Variants in NUTM2E observed in about 807,000 individuals in gnomAD.
The protein encoded by NUTM2E is NUT family member 2E, also known as family with sequence similarity 22, member E.
In NUTM2E, 3 loss-of-function variants were observed where a neutral mutation model predicts 26.1. The ratio of observed to expected loss-of-function variants is 0.12; its 90% CI spans 0.05 to 0.30. NUTM2E has a LOEUF of 0.30. NUTM2E is among the 10% of genes least tolerant of loss of function. The pLI is 1.00. For missense variants in NUTM2E, 62 were observed against 381.3 expected, an observed-to-expected ratio of 0.16 and a Z score of 6.97; for synonymous variants, 13 against 157.5, an observed-to-expected ratio of 0.08 and a Z score of 6.87.
In NUTM2E at chr10:79,840,743, T is replaced by A. The variant is rs1029732880; in HGVS notation, c.-998T>A. 6.8e-6 allele frequency among the ~76,000 whole-genome samples: 1 copy of A among 147,390 alleles called. No individual in the cohort carries two copies. The highest frequency in any genetic ancestry group is 1.5e-5 in the Non-Finnish European group (1 of 66,630). On this transcript the variant is annotated 5_prime_UTR_variant, in exon 4 of 10. The change abolishes an upstream ATG in the 5' untranslated region. Transcript: ENST00000429984. ...TGCCGACAGGGTGTGTTTCAGTGAA[T>A]GTTTGCAGTGTGCACCGGTCTGGCT... is the stretch of plus-strand genomic sequence containing the variant.
rs1037255682 is a variant in NUTM2E, at chr10:79,831,034, A to G, written c.-2728+3677A>G. 5.5e-4 allele frequency among the ~76,000 whole-genome samples: 83 copies of G among 151,922 alleles called. 1 individual carries two copies. The highest frequency in any genetic ancestry group is 2.0e-3 in the African/African-American group (82 of 41,486). ...GACAGCCATAGATCTCTTTTGACCTAGAGTTTTTTATTCTCTTTGTTTTTC... is the reference window on the plus strand; with the variant it reads ...GACAGCCATAGATCTCTTTTGACCTGGAGTTTTTTATTCTCTTTGTTTTTC... On this transcript the variant is annotated intron_variant, in intron 1 of 9. Coordinates refer to ENST00000429984, the MANE Select transcript of NUTM2E (RefSeq NM_001355263.2).
chr10:79,848,986 G>A, intron 8 of NUTM2E, 91 bp downstream of exon 8: 1 of 637,690 alleles, frequency 1.6e-6, no homozygotes. Flanking sequence ...TAGCTACTCA[G>A]CAGTGTGTGT....
chr10:79,836,370 T>C (rs1189904948), intron 1 of NUTM2E, among the ~76,000 whole-genome samples: 1 of 151,948 alleles, frequency 6.6e-6, no homozygotes, highest in Non-Finnish European at 1.5e-5. Context: ...ATACTATTTC[T>C]GAGGGACAAT....
chr10:79,828,094 C>T (rs532495038), intron 1 of NUTM2E, among the ~76,000 whole-genome samples: 5 of 151,500 alleles, frequency 3.3e-5, no homozygotes, highest in Non-Finnish European at 7.4e-5. Context: ...CGTGCCCGGC[C>T]GACAGGTGTT....
In NUTM2E at chr10:79,828,174, G is replaced by A. The variant is rs188310228; in HGVS notation, c.-2728+817G>A. ...TTTAAGGATGTAAGCATAATTTAAG[G>A]ATATTGAAAATGATATAGGAATAAA... On this transcript the variant is annotated intron_variant, in intron 1 of 9. Coordinates refer to ENST00000429984, the MANE Select transcript of NUTM2E (RefSeq NM_001355263.2). Among the ~76,000 whole-genome samples the A allele has an allele frequency of 1.4e-4, 22 of 151,736 alleles. No homozygotes were observed. The East Asian group carries it at 4.1e-3, about 28-fold the overall frequency.
chr10:79,836,751 C>T (rs1188895520), intron 1 of NUTM2E, among the ~76,000 whole-genome samples: 1 of 151,836 alleles, frequency 6.6e-6, no homozygotes, highest in Non-Finnish European at 1.5e-5. Context: ...CTTGAAACTG[C>T]CTGTACAATT....
In NUTM2E at chr10:79,832,361, A is replaced by T. The variant is rs543980864; in HGVS notation, c.-2728+5004A>T. ...CGTGGGGAAGAAGTTTGTGAGTAGA[A>T]GCAGCGGATTGAGAATCTGGATAAT... On this transcript the variant is annotated intron_variant, in intron 1 of 9. Transcript: ENST00000429984. Among the ~76,000 whole-genome samples, 104 of 151,850 alleles carry T rather than the reference A, an allele frequency of 6.8e-4. 1 individual carries two copies. Among genetic ancestry groups the T allele is most frequent in the African/African-American group, 2.5e-3 (103 of 41,480 alleles).
rs1275480631 is a variant in NUTM2E at position 79,839,921 on chromosome 10, T to G, written c.-1820T>G. On this transcript the variant is annotated 5_prime_UTR_variant, in exon 4 of 10. The change creates a new upstream start codon in the 5' untranslated region. Coordinates refer to ENST00000429984, the MANE Select transcript of NUTM2E (RefSeq NM_001355263.2). ...TCTTCACAAATTACCTTTGGCTAAT[T>G]TGACTGTCTCTCCTCCTGGGGTCTA... is the stretch of plus-strand genomic sequence containing the variant. 6.7e-6 allele frequency among the ~76,000 whole-genome samples: 1 copy of G among 149,344 alleles called. No homozygotes were observed. The highest frequency in any genetic ancestry group is 1.9e-4 in the East Asian group (1 of 5,156).
At chr10:79,827,870 C>T (rs1274902830) in intron 1 of NUTM2E, among the ~76,000 whole-genome samples, 1 of 149,714 alleles carries the variant, frequency 6.7e-6, no homozygotes, top group Non-Finnish European at 1.5e-5. Context: ...CTTGGCTCAC[C>T]GCAACCTCCG....
intron 1 of NUTM2E, among the ~76,000 whole-genome samples, chr10:79,835,991 T>C (rs1035806709): frequency 2.0e-5 from 3 of 151,574 alleles, no homozygotes; most frequent in Non-Finnish European, 4.4e-5. Context: ...ATTTAGTCAT[T>C]TCAAATTTTG....
In NUTM2E at chr10:79,827,318, T is replaced by A. The variant is rs1423073567; in HGVS notation, c.-2767T>A. 1 of 153,230 alleles carries A rather than the reference T, an allele frequency of 6.5e-6. No individual in the cohort carries two copies. The highest frequency in any genetic ancestry group is 1.5e-5 in the Non-Finnish European group (1 of 67,980). 9.5% of individuals were successfully genotyped at this position (153,230 alleles called of 1,614,324 possible). The stretch of plus-strand genomic sequence containing the variant: ...AGCTCTAGCAGTGCAAAGGCTTCAC[T>A]GAAAAAGAACATTACAACTTTTTTG... On this transcript the variant is annotated 5_prime_UTR_variant, in exon 1 of 10. Coordinates refer to ENST00000429984, the MANE Select transcript of NUTM2E (RefSeq NM_001355263.2).
chr10:79,838,018 T>C (rs1015623851), intron 1 of NUTM2E, among the ~76,000 whole-genome samples: 1 of 151,416 alleles, frequency 6.6e-6, no homozygotes, highest in African/African-American at 2.4e-5. Flanking sequence ...TCTCCAGTCC[T>C]CTTGTCTCTC....
intron 1 of NUTM2E, among the ~76,000 whole-genome samples, chr10:79,833,269 A>G (rs1841938116): frequency 1.3e-5 from 2 of 151,766 alleles, no homozygotes; most frequent in Admixed American, 1.3e-4. Flanking sequence ...TACTCCATGA[A>G]GAGAATATAT....
chr10:79,839,607 A>C (rs1207342779), intron 3 of NUTM2E, among the ~76,000 whole-genome samples, 21 bp from the exon 4 acceptor site: 5 of 151,774 alleles, frequency 3.3e-5, no homozygotes, highest in Admixed American at 3.3e-4. Context: ...TAATCGTCAC[A>C]TCCTTTCTGC....
chr10:79,833,104 C>T (rs1220797846), intron 1 of NUTM2E, among the ~76,000 whole-genome samples: 1 of 151,714 alleles, frequency 6.6e-6, no homozygotes, highest in Non-Finnish European at 1.5e-5. Flanking sequence ...ACTTATGTGG[C>T]CATAAAAGAA....
At chr10:79,829,218 C>G (rs1308569095) in intron 1 of NUTM2E, among the ~76,000 whole-genome samples, 3 of 151,606 alleles carry the variant, frequency 2.0e-5, no homozygotes, top group African/African-American at 4.8e-5. Context: ...GGGTGATATA[C>G]TACAGTTCCA....
chr10:79,832,229 A>G (rs4097132), intron 1 of NUTM2E, among the ~76,000 whole-genome samples: 119,172 of 146,012 alleles, frequency 0.82, 49,170 homozygotes, highest in East Asian at 0.98. Context: ...TCACTTAAAT[A>G]TTTTCAATTA....
At chr10:79,831,754 A>G (rs918861287) in intron 1 of NUTM2E, among the ~76,000 whole-genome samples, 2 of 151,658 alleles carry the variant, frequency 1.3e-5, no homozygotes, top group Admixed American at 1.3e-4. Context: ...TTACAAAAGA[A>G]TAAGTAAATT....
At chr10:79,833,088 A>G (rs1841937142) in intron 1 of NUTM2E, among the ~76,000 whole-genome samples, 2 of 151,920 alleles carry the variant, frequency 1.3e-5, no homozygotes, top group African/African-American at 4.8e-5. Flanking sequence ...TAACCAGAGA[A>G]AAGTCACTTA....
Sources: allele counts gnomAD v4.1 joint callset (sites outside exome capture counted in the v4.1 genomes callset), GRCh38; gene constraint gnomAD v4.1.1; transcripts MANE v1.5; gene names NCBI Gene and HGNC (gene_info 2026-07-23, HGNC 2026-07-21).